Variants in GAL observed in about 807,000 individuals in gnomAD.
GAL encodes galanin and GMAP prepropeptide, also known as galanin peptides.
GAL carries 14 observed loss-of-function variants against 15.8 expected under a neutral mutation model. The observed-to-expected ratio is 0.89, with a 90% CI of 0.59 to 1.39. GAL has a LOEUF of 1.39. Among genes scored for constraint, GAL ranks in the 40% most tolerant of loss-of-function variants. The probability of loss-of-function intolerance (pLI) is 0.00; values close to 1 mark genes in which losing one functional copy is unlikely to be tolerated. For synonymous variants in GAL, 79 were observed against 73.8 expected (o/e 1.07, Z -0.36); for missense variants, 176 against 170.4 (o/e 1.03, Z -0.18).
Position 68,691,097 on chromosome 11 carries a change from CT to C in GAL, c.*112del. 1.4e-6 allele frequency: 1 copy of C among 719,366 alleles called. No individual in the cohort carries two copies. Among genetic ancestry groups the C allele is most frequent in the South Asian group, 1.5e-5 (1 of 64,672 alleles). The allele number at this position is 719,366 out of a possible 1,614,324, so 44.6% of individuals were successfully genotyped here. On this transcript the variant is annotated 3_prime_UTR_variant, in exon 6 of 6. Coordinates refer to ENST00000265643, the MANE Select transcript of GAL (RefSeq NM_015973.5). The stretch of plus-strand genomic sequence containing the variant: ...AGTCAGCCATTCCTGTTCTCTTTGC[CT>C]TGATGTTGTGTTGTTATCATTTAAG...
Position 68,688,045 on chromosome 11 carries a change from C to T in GAL, c.168C>T (p.Asp56=), listed in dbSNP as rs753047223. The change falls in exon 4 of 6, where the codon GAC becomes GAT. Residue 56 remains aspartate (D), a synonymous_variant. Coordinates refer to ENST00000265643, the MANE Select transcript of GAL (RefSeq NM_015973.5). ...HAVGNHRSFS[D]KNGLTSKREL... is the part of the protein sequence containing the mutation. ...TTGGCAACCACAGGTCATTCAGCGACAAGAATGGCCTCACCAGCAAGCGGG... is the reference window on the plus strand; with the variant it reads ...TTGGCAACCACAGGTCATTCAGCGATAAGAATGGCCTCACCAGCAAGCGGG... 6.2e-7 allele frequency: 1 copy of T among 1,612,956 alleles called. No homozygotes were observed. Among genetic ancestry groups the T allele is most frequent in the Non-Finnish European group, 8.5e-7 (1 of 1,179,100 alleles).
At position 68,684,950 on chromosome 11, in the gene GAL, C is replaced by G. The variant is rs908596910; in HGVS notation, c.27C>G (p.Leu9=). MARGSALL[L]ASLLLAAALS... ...TGGCCCGAGGCAGCGCCCTCCTGCT[C>G]GCCTCCCTCCTCCTCGCCGCGGCCC... is the stretch of plus-strand genomic sequence containing the variant. Residue 9 remains leucine, a synonymous_variant, in exon 2 of 6, where the codon CTC becomes CTG. Transcript: ENST00000265643. 2 of 1,609,086 alleles carry G rather than the reference C, an allele frequency of 1.2e-6. No homozygotes were observed. The highest frequency in any genetic ancestry group is 1.7e-5 in the Admixed American group (1 of 59,854).
At chr11:68,690,727 TACTA>T (rs1347775106) in intron 5 of GAL, among the ~76,000 whole-genome samples, 186 bp from the exon 6 acceptor site, 1 of 152,234 alleles carries the variant, frequency 6.6e-6, no homozygotes, top group African/African-American at 2.4e-5. Context: ...TTTAAATGCT[TACTA>T]ACTGTGGGAG....
intron 3 of GAL, 75 bp downstream of exon 3, chr11:68,685,723 T>TC: frequency 3.9e-6 from 4 of 1,036,592 alleles, no homozygotes; most frequent in Non-Finnish European, 6.0e-6. Flanking sequence ...CTCCTGCCCC[T>TC]CCGCCTGCGG....
chr11:68,689,261 A>G (rs574229255), intron 5 of GAL, among the ~76,000 whole-genome samples: 2 of 152,338 alleles, frequency 1.3e-5, no homozygotes, highest in South Asian at 2.1e-4. Context: ...GGGCAGAGGT[A>G]TACTACAGGC....
Position 68,690,967 on chromosome 11 carries a change from GA to G in GAL, c.354del (p.Asp119ThrfsTer17). 1 of 1,612,862 alleles carries G rather than the reference GA, an allele frequency of 6.2e-7. No homozygotes were observed. On this transcript the variant is annotated frameshift_variant, in exon 6 of 6. Transcript: ENST00000265643. LOFTEE classifies it high-confidence loss of function. ...LLDLPAAASS[E>X]DIERS ...GGATCTCCCCGCCGCAGCCTCCTCA[GA>G]AGACATCGAGCGGTCCTGAGAGCCT... is the stretch of plus-strand genomic sequence containing the variant.
Position 68,689,507 on chromosome 11 carries a change from G to A in GAL, c.301+581G>A, listed in dbSNP as rs565642142. Among the ~76,000 whole-genome samples, 10 of 151,650 alleles carry A rather than the reference G, an allele frequency of 6.6e-5. No homozygotes were observed. The East Asian group carries it at 9.7e-4, about 15-fold the overall frequency. On this transcript the variant is annotated intron_variant, in intron 5 of 5. Coordinates refer to ENST00000265643, the MANE Select transcript of GAL (RefSeq NM_015973.5). Reference sequence around the variant, plus strand: ...TGCCTCCTGGGCTCAAGTGATTCTCGTGCCTCTTCTTCCCAGGTAGCTGGG... The same window carrying A: ...TGCCTCCTGGGCTCAAGTGATTCTCATGCCTCTTCTTCCCAGGTAGCTGGG...
rs1431205241 is a variant in GAL at position 68,685,015 on chromosome 11, GGCGC to G, written c.81+13_81+16del. 6.4e-7 allele frequency: 1 copy of G among 1,569,448 alleles called. No homozygotes were observed. Among genetic ancestry groups the G allele is most frequent in the Non-Finnish European group, 8.7e-7 (1 of 1,151,066 alleles). On this transcript the variant is annotated intron_variant, in intron 2 of 5. Coordinates refer to ENST00000265643, the MANE Select transcript of GAL (RefSeq NM_015973.5). ...GGGCTCTGGTCGCCGGTAAGTGCGG[GGCGC>G]GTCTCCTCCGAGCGAAGGGGACATC...
intron 3 of GAL, among the ~76,000 whole-genome samples, chr11:68,687,402 C>T (rs1229206162): frequency 3.3e-5 from 5 of 151,964 alleles, no homozygotes; most frequent in Non-Finnish European, 4.4e-5. Context: ...CCTCCATTTT[C>T]GCACCACGAA....
At chr11:68,686,666 A>G (rs1945856221) in intron 3 of GAL, among the ~76,000 whole-genome samples, 1 of 152,164 alleles carries the variant, frequency 6.6e-6, no homozygotes, top group South Asian at 2.1e-4. Context: ...GGATCGGTCC[A>G]GGCTGTTCAC....
At chr11:68,690,835 TCC>T in intron 5 of GAL, 80 bp from the exon 6 acceptor site, 1 of 902,028 alleles carries the variant, frequency 1.1e-6, no homozygotes, top group African/African-American at 1.6e-5. Context: ...ACACGCCGCT[TCC>T]TGTAGCATGT....
At chr11:68,688,196 G>A in intron 4 of GAL, 96 bp downstream of exon 4, 1 of 775,160 alleles carries the variant, frequency 1.3e-6, no homozygotes, top group South Asian at 1.5e-5. Context: ...GCTGTCCACA[G>A]CTGCAGCCCA....
intron 1 of GAL, 77 bp downstream of exon 1, chr11:68,684,809 G>A: frequency 1.6e-6 from 1 of 644,830 alleles, no homozygotes. Flanking sequence ...GGACGGTTCT[G>A]CCAGGGCCCT....
rs1342385940 is a variant in GAL at position 68,684,698 on chromosome 11, C to A, written c.-35C>A. 9 of 411,644 alleles carry A rather than the reference C, an allele frequency of 2.2e-5. No individual in the cohort carries two copies. The East Asian group carries it at 3.4e-4, about 15-fold the overall frequency. 25.5% of individuals were successfully genotyped at this position (411,644 alleles called of 1,614,324 possible). The stretch of plus-strand genomic sequence containing the variant: ...CAGACCCGCCACCGCACCCGGACCC[C>A]GACGCTCCGAACCCGGGCGCAGCCG... On this transcript the variant is annotated 5_prime_UTR_variant, in exon 1 of 6. Transcript: ENST00000265643.
At chr11:68,689,000 A>T in intron 5 of GAL, 74 bp downstream of exon 5, 1 of 762,212 alleles carries the variant, frequency 1.3e-6, no homozygotes, top group South Asian at 1.4e-5. Context: ...CGAGAAGAGA[A>T]CCCATAGAAT....
intron 3 of GAL, among the ~76,000 whole-genome samples, chr11:68,687,454 C>A (rs979624835): frequency 1.3e-5 from 2 of 152,018 alleles, no homozygotes; most frequent in African/African-American, 4.8e-5. Context: ...CGCTCCTGCA[C>A]CCCCCACCCC....
chr11:68,689,388 CCTCTTTCTCTCT>C lies in GAL; in HGVS notation c.301+471_301+482del, dbSNP rs573008828. 4.4e-3 allele frequency among the ~76,000 whole-genome samples: 656 copies of C among 149,968 alleles called. 3 individuals carry two copies. Among genetic ancestry groups the C allele is most frequent in the Non-Finnish European group, 7.2e-3 (484 of 67,526 alleles). On this transcript the variant is annotated intron_variant, in intron 5 of 5. Transcript: ENST00000265643. Reference sequence around the variant, plus strand: ...CTTCCTTCCTTCCTTTTTCTTCCTCCCTCTTTCTCTCTCTCTTTCTTCCTTCCTTCCTTCATC... The same window carrying C: ...CTTCCTTCCTTCCTTTTTCTTCCTCCCTCTTTCTTCCTTCCTTCCTTCATC...
chr11:68,684,992 G>T lies in GAL; in HGVS notation c.69G>T (p.Gly23=), dbSNP rs749648649. ...LLAAALSASA[G]LWSPAKEKRG... is the part of the protein sequence containing the mutation. ...CCGCGGCCCTTTCTGCCTCTGCGGG[G>T]CTCTGGTCGCCGGTAAGTGCGGGGC... The change falls in exon 2 of 6, where the codon GGG becomes GGT. Residue 23 remains glycine, a synonymous_variant. Transcript: ENST00000265643. The T allele has an allele frequency of 6.3e-7, 1 of 1,599,922 alleles. No homozygotes were observed. Among genetic ancestry groups the T allele is most frequent in the Non-Finnish European group, 8.5e-7 (1 of 1,173,062 alleles).
At chr11:68,685,311 G>A (rs1403690660) in intron 2 of GAL, among the ~76,000 whole-genome samples, 1 of 152,270 alleles carries the variant, frequency 6.6e-6, no homozygotes, top group Non-Finnish European at 1.5e-5. Flanking sequence ...TAGTTAGAAT[G>A]GAGGGCTAGG....
Sources: allele counts gnomAD v4.1 joint callset (sites outside exome capture counted in the v4.1 genomes callset), GRCh38; gene constraint gnomAD v4.1.1; transcripts MANE v1.5; gene names NCBI Gene and HGNC (gene_info 2026-07-23, HGNC 2026-07-21).